The following DIP2A variants were observed in gnomAD, a reference collection of about 807,000 sequenced individuals.
DIP2A encodes the protein disco-interacting protein 2 homolog A.
In DIP2A, 85 loss-of-function variants were observed where a neutral mutation model predicts 177.4. The observed-to-expected ratio is 0.48, with a 90% confidence interval of 0.40 to 0.57. The LOEUF is 0.57. Among genes scored for constraint, DIP2A ranks in the 20% least tolerant of loss-of-function variants. The pLI is 0.00. For synonymous variants in DIP2A, 886 were observed against 881.8 expected, an observed-to-expected ratio of 1.00 and a Z score of -0.08; for missense variants, 1,791 against 2,100.2, an observed-to-expected ratio of 0.85 and a Z score of 2.88.
intron 7 of DIP2A, among the ~76,000 whole-genome samples, chr21:46,509,817 C>G (rs571993593): frequency 2.8e-4 from 43 of 151,940 alleles, no homozygotes; most frequent in Non-Finnish European, 6.0e-4. Flanking sequence ...CAAGCAGAAA[C>G]CAGAAATGAA....
At chr21:46,469,518 C>T (rs374517496) in intron 1 of DIP2A, among the ~76,000 whole-genome samples, 33 of 152,254 alleles carry the variant, frequency 2.2e-4, no homozygotes, top group African/African-American at 7.9e-4. Flanking sequence ...GTGTGGAGCT[C>T]GATGACGTAC....
intron 3 of DIP2A, among the ~76,000 whole-genome samples, chr21:46,491,027 T>C: frequency 6.6e-6 from 1 of 152,238 alleles, no homozygotes; most frequent in Non-Finnish European, 1.5e-5. Flanking sequence ...GTACACTTTT[T>C]ACTTTGAAGT....
At chr21:46,487,530 ATATT>A (rs770877990) in intron 2 of DIP2A, among the ~76,000 whole-genome samples, 34 of 152,338 alleles carry the variant, frequency 2.2e-4, no homozygotes, top group Non-Finnish European at 4.4e-4. Flanking sequence ...GAATAAATAA[ATATT>A]AGAGAACAAA....
intron 23 of DIP2A, among the ~76,000 whole-genome samples, chr21:46,550,988 C>T (rs927968922): frequency 6.6e-6 from 1 of 152,194 alleles, no homozygotes; most frequent in Non-Finnish European, 1.5e-5. Flanking sequence ...TGTTAGGAAC[C>T]AATTTTAATG....
At chr21:46,566,956 T>C (rs914333126) in intron 37 of DIP2A, among the ~76,000 whole-genome samples, 1 of 152,224 alleles carries the variant, frequency 6.6e-6, no homozygotes, top group African/African-American at 2.4e-5. Flanking sequence ...ACTGCCTGTG[T>C]TTGGGTTTGG....
rs187206357 is a variant in DIP2A at position 46,466,093 on chromosome 21, A to G, written c.91+6871A>G. Reference sequence around the variant, plus strand: ...CTACAGTGAGCTTGACAGTTTCTCAATAGTTAACGACTTCTTTGATGAGAT... The same window carrying G: ...CTACAGTGAGCTTGACAGTTTCTCAGTAGTTAACGACTTCTTTGATGAGAT... On this transcript the variant is annotated intron_variant, in intron 1 of 37. Transcript: ENST00000417564. 9.9e-4 allele frequency among the ~76,000 whole-genome samples: 151 copies of G among 152,312 alleles called. 2 individuals are homozygous for G. Among genetic ancestry groups the G allele is most frequent in the African/African-American group, 3.4e-3 (140 of 41,572 alleles).
At chr21:46,578,848 AT>A in the DIP2A span, among the ~76,000 whole-genome samples, 2 of 152,088 alleles carry the variant, frequency 1.3e-5, no homozygotes, top group African/African-American at 2.4e-5. Context: ...GTGCTGCTGG[AT>A]TTGGTTTGCC....
chr21:46,549,694 C>A, intron 21 of DIP2A, 77 bp from the exon 22 acceptor site: 1 of 1,581,166 alleles, frequency 6.3e-7, no homozygotes, highest in Non-Finnish European at 8.6e-7. Flanking sequence ...TCTGCCTCTT[C>A]CATCGTGAGG....
chr21:46,557,892 C>A lies in DIP2A; in HGVS notation c.3798+139C>A. 9.2e-7 allele frequency: 1 copy of A among 1,091,250 alleles called. No homozygotes were observed. The highest frequency in any genetic ancestry group is 1.3e-6 in the Non-Finnish European group (1 of 778,298). The allele number at this position is 1,091,250 out of a possible 1,614,324, so 67.6% of individuals were successfully genotyped here. On this transcript the variant is annotated intron_variant, in intron 31 of 37. Coordinates refer to ENST00000417564, the MANE Select transcript of DIP2A (RefSeq NM_015151.4). The surrounding 1 kb of genome is among the most constrained non-coding windows in gnomAD (Gnocchi z 6.0). ...AGAGAAAACCCTTTCCCACTAGGGG[C>A]CCTATGTACACATCTGTCCTCCCAC...
intron 12 of DIP2A, 98 bp from the exon 13 acceptor site, chr21:46,534,487 C>G: frequency 1.7e-6 from 2 of 1,199,612 alleles, no homozygotes; most frequent in Non-Finnish European, 2.4e-6. Flanking sequence ...AGGAGAGACA[C>G]TGACCACTTC....
intron 2 of DIP2A, among the ~76,000 whole-genome samples, chr21:46,490,036 C>T (rs2148471111): frequency 6.6e-6 from 1 of 152,310 alleles, no homozygotes; most frequent in South Asian, 2.1e-4. Context: ...CCGGCCTGAG[C>T]AGGTCCCAGC....
At chr21:46,477,672 C>G (rs536173314) in intron 1 of DIP2A, among the ~76,000 whole-genome samples, 1 of 148,892 alleles carries the variant, frequency 6.7e-6, no homozygotes, top group Admixed American at 6.7e-5. Flanking sequence ...CTCCCTGGTT[C>G]AAGTGATTCT....
chr21:46,495,245 TC>T (rs780637083), intron 3 of DIP2A, among the ~76,000 whole-genome samples: 9 of 72,086 alleles, frequency 1.2e-4, no homozygotes, highest in Non-Finnish European at 2.0e-4. Flanking sequence ...TTCTCTTCTT[TC>T]TCTCTCTCTC....
chr21:46,519,205 A>G (rs1314006608), intron 8 of DIP2A, among the ~76,000 whole-genome samples: 1 of 152,188 alleles, frequency 6.6e-6, no homozygotes, highest in Non-Finnish European at 1.5e-5. Context: ...GGTCACTTAC[A>G]TTGCCATCTT....
At chr21:46,560,911 G>A (rs749037218) in intron 33 of DIP2A, 128 bp downstream of exon 33, 18 of 1,486,346 alleles carry the variant, frequency 1.2e-5, no homozygotes, top group African/African-American at 1.4e-5. Context: ...CAGGCCTACC[G>A]GGACACCTGG....
chr21:46,504,040 C>G lies in DIP2A; in HGVS notation c.656-321C>G, dbSNP rs575767463. ...CATGCCCAGCCCCTTGAGGGAATTT[C>G]TAACCAAAATCTCATCAGGCCATTG... is the stretch of plus-strand genomic sequence containing the variant. On this transcript the variant is annotated intron_variant, in intron 5 of 37. Coordinates refer to ENST00000417564, the MANE Select transcript of DIP2A (RefSeq NM_015151.4). Among the ~76,000 whole-genome samples, 149 of 152,282 alleles carry G rather than the reference C, an allele frequency of 9.8e-4. 1 individual carries two copies. Among genetic ancestry groups the G allele is most frequent in the African/African-American group, 3.3e-3 (136 of 41,570 alleles).
chr21:46,571,952 G>A (rs1387224201), downstream of DIP2A, among the ~76,000 whole-genome samples: 1 of 152,176 alleles, frequency 6.6e-6, no homozygotes, highest in South Asian at 2.1e-4. Flanking sequence ...TAGGAGTGGT[G>A]AGAAAGAGCA....
At chr21:46,539,839 A>G (rs372755559) in intron 16 of DIP2A, 38 bp from the exon 17 acceptor site, 2 of 1,533,522 alleles carry the variant, frequency 1.3e-6, no homozygotes, top group Non-Finnish European at 9.0e-7. Flanking sequence ...CTGGCCCCCC[A>G]GTTAGTGCTG....
chr21:46,467,093 G>C (rs1340647802), intron 1 of DIP2A, among the ~76,000 whole-genome samples: 3 of 151,654 alleles, frequency 2.0e-5, no homozygotes, highest in Non-Finnish European at 4.4e-5. Context: ...TCAGGAGGTC[G>C]AGACCATCCT....
Sources: gnomAD v4.1 joint callset for allele counts (sites outside exome capture counted in the v4.1 genomes callset) on GRCh38, gnomAD v4.1.1 for gene constraint, Gnocchi (gnomAD v3.1) non-coding constraint, MANE v1.5 for transcripts, NCBI Gene and HGNC (gene_info 2026-07-23, HGNC 2026-07-21) for gene names.